NT5C2: variants seen among roughly 807,000 people sequenced by gnomAD.
NT5C2 encodes the protein cytosolic purine 5'-nucleotidase.
In NT5C2, 58 loss-of-function variants were observed where a neutral mutation model predicts 76.1. That is an observed-to-expected ratio of 0.76 (90% confidence interval 0.62 to 0.95). The LOEUF (loss-of-function observed/expected upper bound fraction) is 0.95. NT5C2 is among the 40% of genes least tolerant of loss of function. NT5C2 has a pLI of 0.00. For missense variants in NT5C2, 478 were observed against 690.3 expected (o/e 0.69, Z 3.45); for synonymous variants, 229 against 237.4 (o/e 0.96, Z 0.32).
intron 3 of NT5C2, among the ~76,000 whole-genome samples, chr10:103,152,281 G>T (rs1307084409): frequency 1.3e-5 from 2 of 152,216 alleles, no homozygotes; most frequent in East Asian, 3.9e-4. Flanking sequence ...TAAAACAGCA[G>T]TCCTTTCATA....
At chr10:103,128,376 T>A (rs1352788662) in intron 4 of NT5C2, among the ~76,000 whole-genome samples, 1 of 136,222 alleles carries the variant, frequency 7.3e-6, no homozygotes, top group South Asian at 2.3e-4. Context: ...TGCTCAATGG[T>A]GCCCAGGCTG....
At chr10:103,130,837 T>G (rs373570483) in intron 4 of NT5C2, among the ~76,000 whole-genome samples, 28 of 152,200 alleles carry the variant, frequency 1.8e-4, no homozygotes, top group African/African-American at 6.5e-4. Context: ...ATTAAAAAGC[T>G]GAAAAATCAA....
At chr10:103,127,794 G>A (rs2076949104) in intron 4 of NT5C2, among the ~76,000 whole-genome samples, 1 of 152,146 alleles carries the variant, frequency 6.6e-6, no homozygotes, top group Non-Finnish European at 1.5e-5. Flanking sequence ...CTGACCTTGT[G>A]ATCCGCCCGC....
intron 18 of NT5C2, chr10:103,090,239 A>G (rs2066377335): frequency 3.1e-6 from 1 of 324,208 alleles, no homozygotes. Flanking sequence ...CTTTTTCTTG[A>G]GATGGTCTCT....
intron 4 of NT5C2, among the ~76,000 whole-genome samples, chr10:103,121,213 G>C (rs2075594215): frequency 6.6e-6 from 1 of 152,108 alleles, no homozygotes; most frequent in South Asian, 2.1e-4. Context: ...GGTGAGCATT[G>C]TGCAACTTTG....
At chr10:103,187,551 T>TAAAAAAAA in intron 1 of NT5C2, among the ~76,000 whole-genome samples, 1 of 85,768 alleles carries the variant, frequency 1.2e-5, no homozygotes. Context: ...GAATCCATCT[T>TAAAAAAAA]AAAAAAAAAA....
In NT5C2 at chr10:103,130,205, C is replaced by T. The variant is rs1364712314; in HGVS notation, c.175+9201G>A. Among the ~76,000 whole-genome samples, 4 of 151,728 alleles carry T rather than the reference C, an allele frequency of 2.6e-5. No individual in the cohort carries two copies. In the East Asian group the frequency reaches 7.8e-4, roughly 30 times the overall value. ...ATGGGAGACTTTTCATTTTGTTCTG[C>T]ACTAAGAAAAATTCCTCTGCCTTGG... On this transcript the variant is annotated intron_variant, in intron 4 of 18. Transcript: ENST00000404739.
At chr10:103,139,629 C>T (rs766338910) in intron 3 of NT5C2, 150 bp from the exon 4 acceptor site, 23 of 573,016 alleles carry the variant, frequency 4.0e-5, no homozygotes, top group African/African-American at 9.4e-5. Context: ...ATGTATAACA[C>T]GACATGCTGT....
chr10:103,167,540 T>C (rs1480323188), intron 3 of NT5C2, among the ~76,000 whole-genome samples: 2 of 152,096 alleles, frequency 1.3e-5, no homozygotes, highest in African/African-American at 4.8e-5. Context: ...AAAAGAGAAA[T>C]TAAAATTGAT....
intron 3 of NT5C2, among the ~76,000 whole-genome samples, chr10:103,165,541 T>C (rs1171075240): frequency 6.8e-6 from 1 of 147,622 alleles, no homozygotes; most frequent in Admixed American, 6.8e-5. Flanking sequence ...CTCCCTAGTG[T>C]CTGGGATTAC....
intron 3 of NT5C2, among the ~76,000 whole-genome samples, chr10:103,144,764 A>T (rs1376176692): frequency 6.6e-6 from 1 of 152,202 alleles, no homozygotes; most frequent in Non-Finnish European, 1.5e-5. Context: ...ATGTCATATA[A>T]GCTGTTCTTT....
At position 103,088,176 on chromosome 10, in the gene NT5C2, G is replaced by A. The variant is rs1310480452; in HGVS notation, c.*1496C>T. 6.6e-6 allele frequency: 1 copy of A among 152,178 alleles called. No individual in the cohort carries two copies. The highest frequency in any genetic ancestry group is 1.5e-5 in the Non-Finnish European group (1 of 68,030). The allele number at this position is 152,178 out of a possible 1,614,324, so 9.4% of individuals were successfully genotyped here. A position where few individuals can be genotyped will look rare whatever the true frequency, so the allele number is the denominator to read the frequency against. ...ACCGTTAGAAATATTACACTTTATTGAATTCTGGAGCAGCTAATCTACCCT... is the reference window on the plus strand; with the variant it reads ...ACCGTTAGAAATATTACACTTTATTAAATTCTGGAGCAGCTAATCTACCCT... On this transcript the variant is annotated 3_prime_UTR_variant, in exon 19 of 19. Coordinates refer to ENST00000404739, the MANE Select transcript of NT5C2 (RefSeq NM_001351169.2).
intron 4 of NT5C2, among the ~76,000 whole-genome samples, chr10:103,114,864 G>A (rs572828449): frequency 6.6e-6 from 1 of 152,324 alleles, no homozygotes; most frequent in East Asian, 1.9e-4. Context: ...TGTTCCCAGT[G>A]ACAGAATCAC....
chr10:103,091,421 C>T (rs2066849491), intron 16 of NT5C2, 143 bp downstream of exon 16: 1 of 646,380 alleles, frequency 1.5e-6, no homozygotes, highest in South Asian at 1.8e-5. Context: ...TCTCAGCTCA[C>T]TGCAACCTCC....
At chr10:103,120,359 G>C (rs1025890173) in intron 4 of NT5C2, among the ~76,000 whole-genome samples, 2 of 152,152 alleles carry the variant, frequency 1.3e-5, no homozygotes, top group East Asian at 3.8e-4. Flanking sequence ...CCCACAGAAT[G>C]AGAGACAATA....
In NT5C2 at chr10:103,089,261, T is replaced by C. The variant is rs2066103025; in HGVS notation, c.*411A>G. On this transcript the variant is annotated 3_prime_UTR_variant, in exon 19 of 19. Coordinates refer to ENST00000404739, the MANE Select transcript of NT5C2 (RefSeq NM_001351169.2). ...AATACCATGTAATGCACTGGAAAAG[T>C]TGGACCTTGGAGTAATAGCACAATT... 1 of 223,744 alleles carries C rather than the reference T, an allele frequency of 4.5e-6. No homozygotes were observed. The highest frequency in any genetic ancestry group is 1.8e-4 in the South Asian group (1 of 5,566). 13.9% of individuals were successfully genotyped at this position (223,744 alleles called of 1,614,324 possible). A position where few individuals can be genotyped will look rare whatever the true frequency, so the allele number is the denominator to read the frequency against.
Position 103,098,963 on chromosome 10 carries a change from C to T in NT5C2, c.655G>A (p.Val219Ile). ...HYKGSLKEKT[V>I]ENLEKYVVKD... ...ACTACATACTTCTCAAGATTTTCAA[C>T]TGTCTTTTCCTTAAGGGAGCCCTGG... is the stretch of plus-strand genomic sequence containing the variant. Residue 219 changes from valine to isoleucine, a missense_variant, in exon 10 of 19, where the codon GTT (valine) becomes ATT (isoleucine). By Grantham distance (29) the Val-to-Ile change is conservative. Coordinates refer to ENST00000404739, the MANE Select transcript of NT5C2 (RefSeq NM_001351169.2). The T allele has an allele frequency of 1.9e-6, 3 of 1,608,022 alleles. No individual in the cohort carries two copies. Among genetic ancestry groups the T allele is most frequent in the Non-Finnish European group, 1.7e-6 (2 of 1,175,546 alleles).
chr10:103,135,626 A>G (rs979893693), intron 4 of NT5C2, among the ~76,000 whole-genome samples: 1 of 151,550 alleles, frequency 6.6e-6, no homozygotes, highest in Non-Finnish European at 1.5e-5. Context: ...CATCTCTACT[A>G]AAAATACAAA....
intron 4 of NT5C2, among the ~76,000 whole-genome samples, chr10:103,130,183 G>A (rs936243106): frequency 5.7e-4 from 86 of 151,640 alleles, no homozygotes; most frequent in Middle Eastern, 3.4e-3. Context: ...AGTAGACATG[G>A]GAGACTTTTC....
Sources: gnomAD v4.1 joint callset for allele counts (sites outside exome capture counted in the v4.1 genomes callset) on GRCh38, gnomAD v4.1.1 for gene constraint, MANE v1.5 for transcripts, NCBI Gene and HGNC (gene_info 2026-07-23, HGNC 2026-07-21) for gene names.